The following FGFR2 variants were observed in gnomAD, a reference collection of about 807,000 sequenced individuals.
FGFR2 encodes fibroblast growth factor receptor 2, also known as BEK fibroblast growth factor receptor.
Under a neutral mutation model 95.9 loss-of-function variants are expected in FGFR2, and 19 were observed. The ratio of observed to expected loss-of-function variants is 0.20; its 90% CI spans 0.14 to 0.29. The LOEUF is 0.29. FGFR2 is among the 10% of genes least tolerant of loss of function. The probability of loss-of-function intolerance (pLI) is 1.00; values close to 1 mark genes in which losing one functional copy is unlikely to be tolerated. For missense variants in FGFR2, 707 were observed against 1,056.9 expected, an observed-to-expected ratio of 0.67 and a Z score of 4.59; for synonymous variants, 392 against 393.3, an observed-to-expected ratio of 1.00 and a Z score of 0.04.
intron 2 of FGFR2, among the ~76,000 whole-genome samples, chr10:121,577,178 T>TATATATATATAGAGAG: frequency 2.3e-3 from 12 of 5,214 alleles, no homozygotes; most frequent in East Asian, 7.9e-3. Flanking sequence ...TATATATATA[T>TATATATATATAGAGAG]AGAGAGAGAG....
At chr10:121,590,454 A>G (rs1302290113) in intron 2 of FGFR2, among the ~76,000 whole-genome samples, 1 of 152,198 alleles carries the variant, frequency 6.6e-6, no homozygotes, top group Non-Finnish European at 1.5e-5. Context: ...GTCAATAACC[A>G]TGTTTTCACT....
chr10:121,573,739 T>G (rs534623387), intron 2 of FGFR2, among the ~76,000 whole-genome samples: 1 of 152,162 alleles, frequency 6.6e-6, no homozygotes, highest in Admixed American at 6.5e-5. Context: ...GTCAGGGTTG[T>G]GGGTTGCAGG....
intron 9 of FGFR2, among the ~76,000 whole-genome samples, chr10:121,507,171 G>T (rs1848417142): frequency 6.6e-6 from 1 of 152,192 alleles, no homozygotes; most frequent in Non-Finnish European, 1.5e-5. Context: ...CTGACCAACT[G>T]CAATAACATG....
chr10:121,513,169 C>T (rs913409549), intron 9 of FGFR2, among the ~76,000 whole-genome samples: 7 of 152,300 alleles, frequency 4.6e-5, no homozygotes, highest in Middle Eastern at 3.4e-3. Context: ...CCACCACGCC[C>T]GGCCAGGCTG....
chr10:121,483,917 C>T (rs897148499), intron 16 of FGFR2, 114 bp from the exon 17 acceptor site: 1 of 771,730 alleles, frequency 1.3e-6, no homozygotes, highest in African/African-American at 1.7e-5. Flanking sequence ...GCATCAGAAC[C>T]TTCCAAGCAA....
chr10:121,509,482 C>CTTTTTTTTTTTT (rs67778522), intron 9 of FGFR2, among the ~76,000 whole-genome samples: 46 of 45,340 alleles, frequency 1.0e-3, no homozygotes, highest in African/African-American at 1.7e-3. Flanking sequence ...TGTTTCTTTT[C>CTTTTTTTTTTTT]TTTTTTTTTT....
chr10:121,553,942 T>C (rs1462780426), intron 4 of FGFR2, among the ~76,000 whole-genome samples: 1 of 152,228 alleles, frequency 6.6e-6, no homozygotes. Context: ...GCCTGACCTG[T>C]GGCAACAGCC....
intron 9 of FGFR2, among the ~76,000 whole-genome samples, chr10:121,513,559 T>C (rs1456962612): frequency 1.3e-5 from 2 of 152,222 alleles, no homozygotes; most frequent in Non-Finnish European, 2.9e-5. Context: ...GTTACCATTT[T>C]TCCCTATTAG....
At chr10:121,564,446 A>G (rs1161073734) in intron 4 of FGFR2, 56 bp downstream of exon 4, 4 of 1,508,258 alleles carry the variant, frequency 2.7e-6, no homozygotes, top group South Asian at 1.1e-5. Flanking sequence ...GGTGACAGGC[A>G]GAACTTCCCT....
intron 11 of FGFR2, among the ~76,000 whole-genome samples, chr10:121,499,095 C>T (rs1178334825): frequency 6.6e-6 from 1 of 152,158 alleles, no homozygotes; most frequent in Non-Finnish European, 1.5e-5. Context: ...GGGCCATAAA[C>T]GTGTGTGCAT....
chr10:121,496,706 T>C lies in FGFR2; in HGVS notation c.1689A>G (p.Ile563Met), dbSNP rs2133944492. The C allele has an allele frequency of 6.2e-7, 1 of 1,611,784 alleles. No individual in the cohort carries two copies. The highest frequency in any genetic ancestry group is 8.5e-7 in the Non-Finnish European group (1 of 1,179,932). Reference protein sequence around the residue: ...ACTQDGPLYVIVEYASKGNLR... With the variant: ...ACTQDGPLYVMVEYASKGNLR... Reference sequence around the variant, plus strand: ...GGTTGCCTTTAGAGGCATACTCAACTATGACATAGAGAGGCCCTGTTGAGG... The same window carrying C: ...GGTTGCCTTTAGAGGCATACTCAACCATGACATAGAGAGGCCCTGTTGAGG... The change falls in exon 13 of 18, where the codon ATA becomes ATG. Residue 563 changes from isoleucine (I) to methionine (M), a missense_variant. Ile to Met is a conservative substitution (Grantham distance 10). Around this residue, in one of 7 missense-constraint regions of FGFR2, gnomAD observed 194 missense variants for 267.3 expected, o/e 0.73. Transcript: ENST00000358487.
chr10:121,553,134 C>A (rs755939293), intron 4 of FGFR2, among the ~76,000 whole-genome samples: 1 of 152,134 alleles, frequency 6.6e-6, no homozygotes, highest in Non-Finnish European at 1.5e-5. Context: ...CTTTACAAGG[C>A]CATGCTGTAT....
At chr10:121,566,325 G>A (rs1338763416) in intron 2 of FGFR2, among the ~76,000 whole-genome samples, 2 of 152,136 alleles carry the variant, frequency 1.3e-5, no homozygotes, top group African/African-American at 2.4e-5. Flanking sequence ...GCTGAGACCT[G>A]CTGTTTTCCC....
At chr10:121,508,801 T>C (rs1174320732) in intron 9 of FGFR2, among the ~76,000 whole-genome samples, 1 of 152,236 alleles carries the variant, frequency 6.6e-6, no homozygotes, top group Non-Finnish European at 1.5e-5. Flanking sequence ...TAAGAAACTA[T>C]AGAATTTGAT....
intron 17 of FGFR2, among the ~76,000 whole-genome samples, chr10:121,482,914 C>T (rs190984833): frequency 2.0e-5 from 3 of 152,216 alleles, no homozygotes; most frequent in Admixed American, 1.3e-4. Flanking sequence ...TCCCCTACCT[C>T]GCCTCCTAAG....
At chr10:121,595,199 T>C (rs1278795457) in intron 1 of FGFR2, among the ~76,000 whole-genome samples, 1 of 152,266 alleles carries the variant, frequency 6.6e-6, no homozygotes, top group Non-Finnish European at 1.5e-5. Flanking sequence ...ACATTTTTTA[T>C]GTACCCACTC....
intron 2 of FGFR2, among the ~76,000 whole-genome samples, chr10:121,593,470 C>G (rs1042220288): frequency 6.6e-6 from 1 of 152,158 alleles, no homozygotes; most frequent in Non-Finnish European, 1.5e-5. Context: ...GTCTCCCTCA[C>G]CCAGCACAGA....
intron 2 of FGFR2, among the ~76,000 whole-genome samples, chr10:121,568,132 A>G (rs1419279396): frequency 6.6e-6 from 1 of 152,120 alleles, no homozygotes; most frequent in Non-Finnish European, 1.5e-5. Flanking sequence ...GAGAAGGAGG[A>G]GAAGACGGCA....
rs766217118 is a variant in FGFR2, at chr10:121,479,888, T to A, written c.2435A>T (p.Tyr812Phe). The A allele has an allele frequency of 6.2e-7, 1 of 1,614,144 alleles. No individual in the cohort carries two copies. The highest frequency in any genetic ancestry group is 8.5e-7 in the Non-Finnish European group (1 of 1,180,038). The change falls in exon 18 of 18, where the codon TAT (tyrosine) becomes TTT (phenylalanine). Residue 812 changes from tyrosine (Y) to phenylalanine (F), a missense_variant. By Grantham distance (22) the Tyr-to-Phe change is conservative (BLOSUM62 3). Around this residue, in one of 7 missense-constraint regions of FGFR2, gnomAD observed 51 missense variants for 50.2 expected, o/e 1.01. Coordinates refer to ENST00000358487, the MANE Select transcript of FGFR2 (RefSeq NM_000141.5). ...TTTAACACTGCCGTTTATGTGTGGA[T>A]ACTGAGGAAGGCATGGTTCGTAAGG... ...PMPYEPCLPQ[Y>F]PHINGSVKT
Sources: gnomAD v4.1 joint callset for allele counts (sites outside exome capture counted in the v4.1 genomes callset) on GRCh38, gnomAD v4.1.1 for gene constraint, gnomAD v4.1.1 regional missense constraint, MANE v1.5 for transcripts, NCBI Gene and HGNC (gene_info 2026-07-23, HGNC 2026-07-21) for gene names.